The following RPP30 variants were observed in gnomAD, a reference collection of about 807,000 sequenced individuals.
RPP30 encodes the protein ribonuclease P/MRP subunit p30.
A neutral mutation model predicts 38.6 loss-of-function variants in RPP30; 36 were observed. The observed-to-expected ratio is 0.93, with a 90% CI of 0.71 to 1.23. The LOEUF (loss-of-function observed/expected upper bound fraction) is 1.23. Among genes scored for constraint, RPP30 ranks in the 50% most tolerant of loss-of-function variants. RPP30 has a pLI of 0.00. For missense variants in RPP30, 321 were observed against 321.7 expected (o/e 1.00, Z 0.02); for synonymous variants, 126 against 112.7 (o/e 1.12, Z -0.75).
exon 5 of RPP30, chr10:90,908,417 A>G (rs1020790022): frequency 6.6e-6 from 1 of 152,142 alleles, no homozygotes; most frequent in Non-Finnish European, 1.5e-5. Flanking sequence ...TGAATTTTTT[A>G]CAAGTTGAAG....
chr10:90,898,878 T>G (rs1847172301), intron 10 of RPP30, among the ~76,000 whole-genome samples: 1 of 152,192 alleles, frequency 6.6e-6, no homozygotes, highest in African/African-American at 2.4e-5. Flanking sequence ...ATGCCCTCAA[T>G]CAGCCCCTGG....
At chr10:90,884,136 C>T (rs990323868) in intron 5 of RPP30, among the ~76,000 whole-genome samples, 26 of 152,120 alleles carry the variant, frequency 1.7e-4, no homozygotes, top group Non-Finnish European at 2.9e-4. Flanking sequence ...TGTGTCTAGT[C>T]TTTCATGATT....
chr10:90,885,886 ACCT>A lies in RPP30; in HGVS notation c.421_423del (p.Pro141del). On this transcript the variant is annotated inframe_deletion, in exon 6 of 11. Coordinates refer to ENST00000371703, the MANE Select transcript of RPP30 (RefSeq NM_006413.5). ...AGAAACTACCATTTTACTTCAAAAG[ACCT>A]CCTATTAATGTGGTAAGTGTACTTT... 1 of 1,598,486 alleles carries A rather than the reference ACCT, an allele frequency of 6.3e-7. No individual in the cohort carries two copies. Among genetic ancestry groups the A allele is most frequent in the Non-Finnish European group, 8.6e-7 (1 of 1,167,748 alleles).
At chr10:90,875,440 C>A in intron 2 of RPP30, 118 bp from the exon 3 acceptor site, 1 of 776,848 alleles carries the variant, frequency 1.3e-6, no homozygotes, top group South Asian at 1.8e-5. Context: ...CCAGAAATCA[C>A]CTTGCTTTCT....
chr10:90,872,253 G>A, intron 1 of RPP30, 185 bp downstream of exon 1: 1 of 610,640 alleles, frequency 1.6e-6, no homozygotes, highest in East Asian at 2.8e-5. Context: ...AAGGTTCTGG[G>A]GGTTGTTATC....
intron 1 of RPP30, among the ~76,000 whole-genome samples, 199 bp from the exon 2 acceptor site, chr10:90,874,670 G>A (rs1425405316): frequency 6.6e-6 from 1 of 152,170 alleles, no homozygotes; most frequent in African/African-American, 2.4e-5. Flanking sequence ...TGACAGATGA[G>A]GAACCTGAAA....
chr10:90,899,836 T>A (rs1589502935), intron 10 of RPP30, among the ~76,000 whole-genome samples: 1 of 152,230 alleles, frequency 6.6e-6, no homozygotes, highest in African/African-American at 2.4e-5. Flanking sequence ...ATGCATGTAG[T>A]ATAGGGAAAA....
rs762386476 is a variant in RPP30, at chr10:90,900,642, G to A, written c.770G>A (p.Cys257Tyr). ...CGGCCATCAGAAGGAGATGAAGATTGTCTTCCAGCTTCCAAGAAAGCCAAG... is the reference window on the plus strand; with the variant it reads ...CGGCCATCAGAAGGAGATGAAGATTATCTTCCAGCTTCCAAGAAAGCCAAG... ...KPRPSEGDED[C>Y]LPASKKAKCE... The change falls in exon 11 of 11, where the codon TGT becomes TAT. Residue 257 changes from cysteine to tyrosine, a missense_variant. Transcript: ENST00000371703. The A allele has an allele frequency of 1.9e-6, 3 of 1,613,468 alleles. No homozygotes were observed. Among genetic ancestry groups the A allele is most frequent in the East Asian group, 2.2e-5 (1 of 44,874 alleles).
chr10:90,895,226 A>G (rs1334229765), intron 7 of RPP30: 2 of 495,750 alleles, frequency 4.0e-6, no homozygotes, highest in Non-Finnish European at 7.0e-6. Flanking sequence ...AACTTAATTC[A>G]CCTTTACTAA....
chr10:90,882,168 G>A (rs1458978031), intron 5 of RPP30, among the ~76,000 whole-genome samples: 1 of 152,156 alleles, frequency 6.6e-6, no homozygotes, highest in African/African-American at 2.4e-5. Context: ...TTCCCATTTA[G>A]GATTTAAAGC....
chr10:90,900,413 GA>G (rs1484819828), intron 10 of RPP30, among the ~76,000 whole-genome samples, 156 bp from the exon 11 acceptor site: 2 of 152,164 alleles, frequency 1.3e-5, no homozygotes, highest in Non-Finnish European at 2.9e-5. Context: ...TGTCTGTTGG[GA>G]AAAAAAGATA....
intron 4 of RPP30, among the ~76,000 whole-genome samples, chr10:90,876,587 G>A (rs1172160097): frequency 6.6e-6 from 1 of 152,180 alleles, no homozygotes; most frequent in African/African-American, 2.4e-5. Flanking sequence ...TAGGTGACAA[G>A]CAGGGAGCTA....
At chr10:90,902,406 G>A, downstream of RPP30, 1 of 312,204 alleles carries the variant, frequency 3.2e-6, no homozygotes, top group South Asian at 2.4e-5. Flanking sequence ...TTTTTGTAGA[G>A]ATGGGGTTTT....
chr10:90,889,833 C>G (rs1847052171), intron 6 of RPP30, among the ~76,000 whole-genome samples: 2 of 152,124 alleles, frequency 1.3e-5, no homozygotes, highest in Non-Finnish European at 2.9e-5. Flanking sequence ...ACCATAATTT[C>G]AATTATGCAA....
At chr10:90,880,728 T>A (rs879631619) in intron 5 of RPP30, among the ~76,000 whole-genome samples, 6 of 152,084 alleles carry the variant, frequency 3.9e-5, no homozygotes, top group Non-Finnish European at 8.8e-5. Context: ...TCAAAAAAAT[T>A]TTTTTTAAAT....
intron 6 of RPP30, among the ~76,000 whole-genome samples, chr10:90,893,232 G>A (rs1728462251): frequency 6.6e-6 from 1 of 152,096 alleles, no homozygotes; most frequent in Non-Finnish European, 1.5e-5. Flanking sequence ...AAGCAGAAGG[G>A]GCCTTCAAGT....
At chr10:90,900,383 T>C (rs532472847) in intron 10 of RPP30, among the ~76,000 whole-genome samples, 187 bp from the exon 11 acceptor site, 16 of 152,370 alleles carry the variant, frequency 1.1e-4, no homozygotes, top group Admixed American at 2.6e-4. Flanking sequence ...AATTAGATGT[T>C]AATAATATAC....
intron 5 of RPP30, among the ~76,000 whole-genome samples, chr10:90,882,866 T>A (rs973544256): frequency 8.5e-5 from 13 of 152,204 alleles, no homozygotes; most frequent in African/African-American, 3.1e-4. Context: ...AATTCATGCC[T>A]TTCCTTTGCA....
chr10:90,875,557 G>A lies in RPP30; in HGVS notation c.139-1G>A, dbSNP rs767368324. ...CAGTAACTATTTATCGTTTGTTGTA[G>A]GAAATTGAAAAACCAGTAGCTGTTT... On this transcript the variant is annotated splice_acceptor_variant, in intron 2 of 10. Coordinates refer to ENST00000371703, the MANE Select transcript of RPP30 (RefSeq NM_006413.5). LOFTEE classifies it high-confidence loss of function. The A allele has an allele frequency of 6.2e-7, 1 of 1,612,688 alleles. No individual in the cohort carries two copies. The highest frequency in any genetic ancestry group is 8.5e-7 in the Non-Finnish European group (1 of 1,178,920).
Sources: allele counts gnomAD v4.1 joint callset (sites outside exome capture counted in the v4.1 genomes callset), GRCh38; gene constraint gnomAD v4.1.1; transcripts MANE v1.5; gene names NCBI Gene and HGNC (gene_info 2026-07-23, HGNC 2026-07-21).